Variants in EBF2 observed in about 807,000 individuals in gnomAD.
The protein encoded by EBF2 is EBF transcription factor 2.
EBF2 carries 21 observed loss-of-function variants against 72.8 expected under a neutral mutation model. The observed-to-expected ratio is 0.29, with a 90% CI of 0.20 to 0.42. EBF2 has a LOEUF of 0.42. Ranked by LOEUF, EBF2 falls within the 10% of genes least tolerant of loss-of-function variation. The pLI is 1.00. For synonymous variants in EBF2, 299 were observed against 274.2 expected, an observed-to-expected ratio of 1.09 and a Z score of -0.89; for missense variants, 637 against 731.2, an observed-to-expected ratio of 0.87 and a Z score of 1.49.
intron 6 of EBF2, among the ~76,000 whole-genome samples, chr8:26,030,576 A>C (rs1266334048): frequency 1.3e-5 from 2 of 152,196 alleles, no homozygotes. Context: ...CAATTAAAAA[A>C]AAAAAGCCCT....
chr8:26,034,970 T>A (rs892902079), intron 5 of EBF2, among the ~76,000 whole-genome samples: 1 of 152,184 alleles, frequency 6.6e-6, no homozygotes, highest in African/African-American at 2.4e-5. Context: ...TTTTTCTTTC[T>A]TATGAATAAA....
chr8:25,867,753 T>A lies in EBF2; in HGVS notation c.1010-4956A>T, dbSNP rs528285007. On this transcript the variant is annotated intron_variant, in intron 10 of 15. Transcript: ENST00000520164. Reference sequence around the variant, plus strand: ...CAACTGTTGGCTAGAAAATTCCACTTAGATGGTCCATAGATTCCCCCTACC... The same window carrying A: ...CAACTGTTGGCTAGAAAATTCCACTAAGATGGTCCATAGATTCCCCCTACC... Among the ~76,000 whole-genome samples the A allele has an allele frequency of 4.5e-4, 68 of 152,312 alleles. 2 individuals carry two copies. The South Asian group carries it at 6.0e-3, about 13-fold the overall frequency.
intron 6 of EBF2, among the ~76,000 whole-genome samples, chr8:25,966,430 G>C (rs187956236): frequency 6.6e-6 from 1 of 152,136 alleles, no homozygotes; most frequent in African/African-American, 2.4e-5. Context: ...ATCACTTTCC[G>C]GACTCTACCC....
At chr8:25,885,642 T>C (rs1802677471) in intron 10 of EBF2, among the ~76,000 whole-genome samples, 1 of 152,152 alleles carries the variant, frequency 6.6e-6, no homozygotes, top group Non-Finnish European at 1.5e-5. Context: ...TCTCCTATAC[T>C]GTTCTCATGG....
In EBF2 at chr8:25,895,914, C is replaced by T. The variant is rs1421745220; in HGVS notation, c.634-6045G>A. Among the ~76,000 whole-genome samples the T allele has an allele frequency of 5.8e-5, 7 of 119,980 alleles. No homozygotes were observed. In the East Asian group the frequency reaches 1.1e-3, roughly 19 times the overall value. The allele number at this position is 119,980 out of a possible 152,430, so 78.7% of individuals were successfully genotyped here. On this transcript the variant is annotated intron_variant, in intron 7 of 15. Transcript: ENST00000520164. The stretch of plus-strand genomic sequence containing the variant: ...AAATGTCCTTGGCTTTTTGGAACAC[C>T]GTGTGTGTATGTGTGTGTGTGTGTG...
At chr8:25,908,419 G>A in intron 7 of EBF2, 55 bp downstream of exon 7, 1 of 1,293,156 alleles carries the variant, frequency 7.7e-7, no homozygotes, top group Non-Finnish European at 1.1e-6. Flanking sequence ...AGAGTGAGAA[G>A]GAGAGAGAAA....
chr8:25,974,023 T>C (rs1804229884), intron 6 of EBF2, among the ~76,000 whole-genome samples: 1 of 152,206 alleles, frequency 6.6e-6, no homozygotes, highest in Admixed American at 6.5e-5. Context: ...TTTCTGCTCA[T>C]TTCCAGAAAA....
intron 7 of EBF2, among the ~76,000 whole-genome samples, chr8:25,894,849 T>C (rs1802841108): frequency 6.6e-6 from 1 of 152,206 alleles, no homozygotes; most frequent in Non-Finnish European, 1.5e-5. Flanking sequence ...AAATGTAGTA[T>C]GGATAAAAGG....
chr8:25,891,580 A>ATT (rs200868966), intron 7 of EBF2, among the ~76,000 whole-genome samples: 43 of 139,324 alleles, frequency 3.1e-4, no homozygotes, highest in African/African-American at 9.7e-4. Context: ...ATCCTGTCGT[A>ATT]TTTTTTTTTT....
Position 26,027,696 on chromosome 8 carries a change from T to C in EBF2, c.551+5389A>G, listed in dbSNP as rs372030793. On this transcript the variant is annotated intron_variant, in intron 6 of 15. Transcript: ENST00000520164. ...ATGTCCACAGCAACATTATTTCCAGTAGCCAAAAGGTCAAAGCAACCCATT... is the reference window on the plus strand; with the variant it reads ...ATGTCCACAGCAACATTATTTCCAGCAGCCAAAAGGTCAAAGCAACCCATT... Among the ~76,000 whole-genome samples the C allele has an allele frequency of 2.6e-5, 4 of 152,126 alleles. No individual in the cohort carries two copies. In the East Asian group the frequency reaches 5.8e-4, roughly 22 times the overall value.
At chr8:25,910,036 C>A (rs17808864) in intron 6 of EBF2, among the ~76,000 whole-genome samples, 2 of 151,856 alleles carry the variant, frequency 1.3e-5, no homozygotes, top group African/African-American at 4.8e-5. Context: ...ATGGAAGAGA[C>A]CTGCGGAAGG....
chr8:25,843,123 G>A lies in EBF2; in HGVS notation c.*1486C>T, dbSNP rs1469917766. The A allele has an allele frequency of 6.6e-6, 1 of 152,186 alleles. No individual in the cohort carries two copies. The highest frequency in any genetic ancestry group is 1.5e-5 in the Non-Finnish European group (1 of 68,046). 9.4% of individuals were successfully genotyped at this position (152,186 alleles called of 1,614,324 possible). On this transcript the variant is annotated 3_prime_UTR_variant, in exon 16 of 16. Transcript: ENST00000520164. ...AGAGCTAGTCACAAAACGATGAAGA[G>A]CCCATCAAAGGGCTGGGTAACTGTG...
intron 5 of EBF2, among the ~76,000 whole-genome samples, chr8:26,038,903 G>C (rs1805552845): frequency 6.6e-6 from 1 of 152,204 alleles, no homozygotes; most frequent in Admixed American, 6.5e-5. Flanking sequence ...CCGTAAAACA[G>C]TACACACTAA....
intron 6 of EBF2, among the ~76,000 whole-genome samples, chr8:25,941,378 G>A (rs187071555): frequency 4.6e-5 from 7 of 152,088 alleles, no homozygotes; most frequent in African/African-American, 1.7e-4. Context: ...GCTAATTTTT[G>A]TATTTTTAGT....
intron 6 of EBF2, among the ~76,000 whole-genome samples, chr8:26,020,756 ATT>A: frequency 6.6e-6 from 1 of 151,782 alleles, no homozygotes; most frequent in East Asian, 1.9e-4. Context: ...TCAAAGTCAG[ATT>A]TTTTTTTCTC....
chr8:25,992,037 G>GT (rs774868404), intron 6 of EBF2, among the ~76,000 whole-genome samples: 3 of 151,824 alleles, frequency 2.0e-5, no homozygotes, highest in Admixed American at 6.6e-5. Context: ...TTTTTTGTTT[G>GT]TTTTTTGTTT....
intron 6 of EBF2, among the ~76,000 whole-genome samples, chr8:26,007,844 C>T (rs1804907916): frequency 6.6e-6 from 1 of 151,774 alleles, no homozygotes; most frequent in Admixed American, 6.6e-5. Flanking sequence ...GAAAGCAGCT[C>T]CCAATTACAG....
rs569108052 is a variant in EBF2 at position 25,940,642 on chromosome 8, A to C, written c.552-32087T>G. On this transcript the variant is annotated intron_variant, in intron 6 of 15. Coordinates refer to ENST00000520164, the MANE Select transcript of EBF2 (RefSeq NM_022659.4). The stretch of plus-strand genomic sequence containing the variant: ...AAATTAAAAAAAAAAATAAAAAAAA[A>C]ACCACAAAACCAAGGCTTGGAGCAG... 7.4e-4 allele frequency among the ~76,000 whole-genome samples: 112 copies of C among 152,110 alleles called. 1 individual carries two copies. Among genetic ancestry groups the C allele is most frequent in the African/African-American group, 2.4e-3 (99 of 41,452 alleles).
intron 6 of EBF2, among the ~76,000 whole-genome samples, chr8:25,975,695 T>C (rs1804257816): frequency 1.3e-5 from 2 of 152,306 alleles, no homozygotes; most frequent in South Asian, 4.1e-4. Flanking sequence ...TGCAGGATTA[T>C]GTTAAATGAG....
Sources: allele counts gnomAD v4.1 joint callset (sites outside exome capture counted in the v4.1 genomes callset), GRCh38; gene constraint gnomAD v4.1.1; transcripts MANE v1.5; gene names NCBI Gene and HGNC (gene_info 2026-07-23, HGNC 2026-07-21).